SETDB1: variants seen among roughly 807,000 people sequenced by gnomAD.
SETDB1 encodes histone-lysine N-methyltransferase SETDB1.
A neutral mutation model predicts 137.4 loss-of-function variants in SETDB1; 31 were observed. That is an observed-to-expected ratio of 0.23 (90% confidence interval 0.17 to 0.30). The LOEUF (loss-of-function observed/expected upper bound fraction) is 0.30, where lower values mean the gene tolerates loss of function less well. Among genes scored for constraint, SETDB1 ranks in the 10% least tolerant of loss-of-function variants. The probability of loss-of-function intolerance (pLI) is 1.00; values close to 1 mark genes in which losing one functional copy is unlikely to be tolerated. For synonymous variants in SETDB1, 548 were observed against 579.9 expected (o/e 0.95, Z 0.79); for missense variants, 1,113 against 1,631.5 (o/e 0.68, Z 5.47).
At chr1:150,942,466 C>A in intron 5 of SETDB1, 97 bp from the exon 6 acceptor site, 4 of 992,656 alleles carry the variant, frequency 4.0e-6, no homozygotes, top group Non-Finnish European at 5.9e-6. Context: ...AAAAAAATTA[C>A]CCCACTTTCC....
At position 150,942,842 on chromosome 1, in the gene SETDB1, T is replaced by G. The variant is rs149318504; in HGVS notation, c.674-10T>G. The stretch of plus-strand genomic sequence containing the variant: ...GTGTTTAAAAAGATTTATCTTTCCC[T>G]TTTACTCAGGGCCAGGGAAGAAATA... On this transcript the variant is annotated splice_polypyrimidine_tract_variant and intron_variant, in intron 6 of 21. Coordinates refer to ENST00000692827, the MANE Select transcript of SETDB1 (RefSeq NM_001366418.1). 2.5e-6 allele frequency: 4 copies of G among 1,612,648 alleles called. No individual in the cohort carries two copies. The East Asian group carries it at 8.9e-5, about 36-fold the overall frequency.
At chr1:150,947,384 C>T (rs1670361546) in intron 10 of SETDB1, among the ~76,000 whole-genome samples, 1 of 151,706 alleles carries the variant, frequency 6.6e-6, no homozygotes, top group Non-Finnish European at 1.5e-5. Flanking sequence ...GTCTTGAACT[C>T]CTGGGCTCAA....
At chr1:150,938,827 T>TC (rs1491222098) in intron 3 of SETDB1, among the ~76,000 whole-genome samples, 40 of 17,640 alleles carry the variant, frequency 2.3e-3, no homozygotes, top group African/African-American at 8.8e-3. Context: ...TTTATCCTAC[T>TC]TTTTTTTTTT....
intron 14 of SETDB1, among the ~76,000 whole-genome samples, chr1:150,953,563 T>C (rs1670556927): frequency 6.6e-6 from 1 of 150,418 alleles, no homozygotes; most frequent in Non-Finnish European, 1.5e-5. Context: ...GCGCGGTGGC[T>C]CATGCCTGTA....
At chr1:150,951,630 A>G (rs1165045187) in intron 14 of SETDB1, 149 bp downstream of exon 14, 4 of 541,648 alleles carry the variant, frequency 7.4e-6, no homozygotes, top group Non-Finnish European at 9.9e-6. Flanking sequence ...ATCTTATTTC[A>G]TGACTTCCAA....
chr1:150,945,261 C>T, intron 9 of SETDB1, 153 bp downstream of exon 9: 1 of 1,462,986 alleles, frequency 6.8e-7, no homozygotes, highest in Non-Finnish European at 9.1e-7. Flanking sequence ...TTACTTTGCC[C>T]TTTTTGTTGT....
chr1:150,946,968 C>T lies in SETDB1; in HGVS notation c.1223C>T (p.Ala408Val), dbSNP rs1457518128. Residue 408 changes from alanine (A) to valine (V), a missense_variant, in exon 10 of 22, where the codon GCA (alanine) becomes GTA (valine). Physicochemically the swap from Ala to Val is moderately conservative, Grantham distance 64 (BLOSUM62 0). Transcript: ENST00000692827. ...AGCATGAAAACATCCTCAGCCTCTGCACTGGAGAAGAAGCAAGGACAGCTC... is the reference window on the plus strand; with the variant it reads ...AGCATGAAAACATCCTCAGCCTCTGTACTGGAGAAGAAGCAAGGACAGCTC... ...MFSMKTSSAS[A>V]LEKKQGQLRT... 6.2e-7 allele frequency: 1 copy of T among 1,614,048 alleles called. No individual in the cohort carries two copies. The highest frequency in any genetic ancestry group is 8.5e-7 in the Non-Finnish European group (1 of 1,180,016).
intron 9 of SETDB1, 27 bp from the exon 10 acceptor site, chr1:150,946,859 C>A (rs777028368): frequency 6.2e-7 from 1 of 1,613,474 alleles, no homozygotes; most frequent in Non-Finnish European, 8.5e-7. Context: ...AGCTATTTCC[C>A]TTCATTCTTT....
chr1:150,959,548 G>T (rs1476720709), intron 15 of SETDB1, among the ~76,000 whole-genome samples: 1 of 152,052 alleles, frequency 6.6e-6, no homozygotes, highest in East Asian at 1.9e-4. Flanking sequence ...ACAAATAAGA[G>T]AATGAAAAGG....
chr1:150,929,042 C>T lies in SETDB1; in HGVS notation c.261-925C>T, dbSNP rs369652924. On this transcript the variant is annotated intron_variant, in intron 2 of 21. Transcript: ENST00000692827. ...AAGTCTTTGCTATTGTGGATAGTGC[C>T]GCAATAAACATACGTGTGCATGTGT... 9.2e-5 allele frequency among the ~76,000 whole-genome samples: 14 copies of T among 152,080 alleles called. 1 individual carries two copies. The highest frequency in any genetic ancestry group is 2.4e-4 in the African/African-American group (10 of 41,400).
chr1:150,928,110 T>A (rs1303478032), intron 2 of SETDB1, 136 bp downstream of exon 2: 2 of 1,008,214 alleles, frequency 2.0e-6, no homozygotes, highest in Non-Finnish European at 2.9e-6. Flanking sequence ...CAAGCTAGAG[T>A]GCAGTGGAGT....
At chr1:150,935,462 T>C (rs587703788) in intron 3 of SETDB1, among the ~76,000 whole-genome samples, 1 of 152,284 alleles carries the variant, frequency 6.6e-6, no homozygotes, top group Non-Finnish European at 1.5e-5. Context: ...CTCCCTGCTT[T>C]CTGGGATTTC....
chr1:150,946,961 G>C lies in SETDB1; in HGVS notation c.1216G>C (p.Ala406Pro), dbSNP rs1232392552. The C allele has an allele frequency of 1.9e-6, 3 of 1,614,058 alleles. No homozygotes were observed. The highest frequency in any genetic ancestry group is 4.5e-5 in the East Asian group (2 of 44,894). ...EPMFSMKTSSASALEKKQGQL... is the reference protein window; with the variant it reads ...EPMFSMKTSSPSALEKKQGQL... Reference sequence around the variant, plus strand: ...CATGTTCAGCATGAAAACATCCTCAGCCTCTGCACTGGAGAAGAAGCAAGG... The same window carrying C: ...CATGTTCAGCATGAAAACATCCTCACCCTCTGCACTGGAGAAGAAGCAAGG... Residue 406 changes from alanine to proline, a missense_variant, in exon 10 of 22, where the codon GCC becomes CCC. Ala to Pro is a conservative substitution (Grantham distance 27). Around this residue, in one of 11 missense-constraint regions of SETDB1, gnomAD observed 154 missense variants for 303.1 expected, o/e 0.51. Transcript: ENST00000692827.
At chr1:150,940,424 T>C (rs1176929617) in intron 4 of SETDB1, among the ~76,000 whole-genome samples, 1 of 151,622 alleles carries the variant, frequency 6.6e-6, no homozygotes, top group East Asian at 1.9e-4. Context: ...AAAAATTAGC[T>C]GGGCATGGTG....
chr1:150,934,601 A>G (rs1424265590), intron 3 of SETDB1, among the ~76,000 whole-genome samples: 1 of 152,196 alleles, frequency 6.6e-6, no homozygotes, highest in Non-Finnish European at 1.5e-5. Context: ...TGTTATAATT[A>G]CTGCTTTAAG....
At chr1:150,937,422 A>G (rs1472980558) in intron 3 of SETDB1, among the ~76,000 whole-genome samples, 2 of 152,122 alleles carry the variant, frequency 1.3e-5, no homozygotes, top group Non-Finnish European at 2.9e-5. Context: ...TGGTTGCACA[A>G]CAATATAAAT....
chr1:150,934,815 G>C (rs1669897236), intron 3 of SETDB1, among the ~76,000 whole-genome samples: 2 of 151,800 alleles, frequency 1.3e-5, no homozygotes, highest in South Asian at 4.2e-4. Flanking sequence ...GTTTACCCAG[G>C]ATATAGAATT....
chr1:150,927,646 C>T, intron 1 of SETDB1, 58 bp from the exon 2 acceptor site: 2 of 1,486,324 alleles, frequency 1.3e-6, no homozygotes, highest in Admixed American at 1.9e-5. Flanking sequence ...CTGAAATTCT[C>T]TATTGATTGA....
At chr1:150,946,471 G>A (rs2102704851) in intron 9 of SETDB1, among the ~76,000 whole-genome samples, 1 of 151,570 alleles carries the variant, frequency 6.6e-6, no homozygotes, top group Admixed American at 6.6e-5. Flanking sequence ...TGGGGGGGAT[G>A]GAGTTTCGCT....
Sources: gnomAD v4.1 joint callset for allele counts (sites outside exome capture counted in the v4.1 genomes callset) on GRCh38, gnomAD v4.1.1 for gene constraint, gnomAD v4.1.1 regional missense constraint, MANE v1.5 for transcripts, NCBI Gene and HGNC (gene_info 2026-07-23, HGNC 2026-07-21) for gene names.